Variants in IKZF3 observed in about 807,000 individuals in gnomAD.
IKZF3 encodes IKAROS family zinc finger 3.
Under a neutral mutation model 49.0 loss-of-function variants are expected in IKZF3, and 10 were observed. The ratio of observed to expected loss-of-function variants is 0.20; its 90% CI spans 0.13 to 0.35. The LOEUF (loss-of-function observed/expected upper bound fraction) is 0.35. Ranked by LOEUF, IKZF3 falls within the 10% of genes least tolerant of loss-of-function variation. The pLI is 1.00. For synonymous variants in IKZF3, 209 were observed against 228.2 expected (o/e 0.92, Z 0.76); for missense variants, 498 against 664.8 (o/e 0.75, Z 2.76).
intron 1 of IKZF3, among the ~76,000 whole-genome samples, chr17:39,850,369 A>ATATGTACATATAATATATAGCATATTG (rs1568063092): frequency 6.3e-5 from 8 of 127,908 alleles, no homozygotes; most frequent in African/African-American, 1.0e-4. Context: ...AGCATATTAT[A>ATATGTACATATAATATATAGCATATTG]TATGTATATA....
At position 39,779,410 on chromosome 17, in the gene IKZF3, G is replaced by A. The variant is rs753492513; in HGVS notation, c.710-1643C>T. On this transcript the variant is annotated intron_variant, in intron 6 of 7. Transcript: ENST00000346872. ...CAGGAGGCAGAGGTTGTGGTGAGCC[G>A]AGATTGAGCCATTGCACTCCAGCCT... Among the ~76,000 whole-genome samples, 64 of 152,168 alleles carry A rather than the reference G, an allele frequency of 4.2e-4. 2 individuals are homozygous for A. Among genetic ancestry groups the A allele is most frequent in the South Asian group, 1.2e-3 (6 of 4,806 alleles).
rs906100293 is a variant in IKZF3 at position 39,793,058 on chromosome 17, T to C, written c.164-125A>G. On this transcript the variant is annotated intron_variant, in intron 3 of 7. Transcript: ENST00000346872. ...CGAAGCTAACAAAACACTGTACATC[T>C]ACAAAACAAGAAAGCACCATTAGCG... 1.0e-5 allele frequency: 10 copies of C among 956,876 alleles called. No homozygotes were observed. The African/African-American group carries it at 1.6e-4, about 16-fold the overall frequency. 59.3% of individuals were successfully genotyped at this position (956,876 alleles called of 1,614,324 possible). A position where few individuals can be genotyped will look rare whatever the true frequency, so the allele number is the denominator to read the frequency against.
At chr17:39,824,172 A>G (rs193071151) in intron 3 of IKZF3, among the ~76,000 whole-genome samples, 15 of 152,346 alleles carry the variant, frequency 9.8e-5, no homozygotes, top group Non-Finnish European at 1.5e-4. Context: ...GATGTGAGAC[A>G]TGGAGTCAAA....
chr17:39,858,049 A>C (rs2063115658), intron 1 of IKZF3, among the ~76,000 whole-genome samples: 1 of 152,216 alleles, frequency 6.6e-6, no homozygotes, highest in Admixed American at 6.5e-5. Flanking sequence ...TAATCAACAA[A>C]ATAAACAAGA....
chr17:39,769,420 A>G (rs2060379636), intron 7 of IKZF3, among the ~76,000 whole-genome samples: 1 of 152,194 alleles, frequency 6.6e-6, no homozygotes, highest in Non-Finnish European at 1.5e-5. Context: ...GAAATACCTG[A>G]GAGAGAAAAA....
At chr17:39,804,739 G>C (rs2061396881) in intron 3 of IKZF3, among the ~76,000 whole-genome samples, 1 of 152,124 alleles carries the variant, frequency 6.6e-6, no homozygotes, top group African/African-American at 2.4e-5. Flanking sequence ...CCACTGGCCA[G>C]TCCCTGCTTT....
chr17:39,812,903 C>T (rs2061594328), intron 3 of IKZF3, among the ~76,000 whole-genome samples: 1 of 152,020 alleles, frequency 6.6e-6, no homozygotes, highest in Non-Finnish European at 1.5e-5. Context: ...TCAAGACCAT[C>T]TTGGCTAACA....
rs751880514 is a variant in IKZF3, at chr17:39,766,463, T to C, written c.857A>G (p.Tyr286Cys). ...GEKRHCFDVN[Y>C]NSSYMYEKES... ...TTTCTCATACATGTAACTTGAATTA[T>C]AGTTGACATCAAAGCAGTGGCGCTT... Residue 286 changes from tyrosine (Y) to cysteine (C), a missense_variant, in exon 8 of 8, where the codon TAT becomes TGT. Around this residue, in one of 3 missense-constraint regions of IKZF3, gnomAD observed 317 missense variants for 397.3 expected, o/e 0.80. Transcript: ENST00000346872. 6 of 1,613,032 alleles carry C rather than the reference T, an allele frequency of 3.7e-6. No individual in the cohort carries two copies. Among genetic ancestry groups the C allele is most frequent in the South Asian group, 2.2e-5 (2 of 91,076 alleles).
intron 3 of IKZF3, among the ~76,000 whole-genome samples, chr17:39,825,109 T>C (rs888886194): frequency 2.0e-5 from 3 of 152,204 alleles, no homozygotes; most frequent in Non-Finnish European, 2.9e-5. Context: ...GGCTTCCCCA[T>C]CCATTTGGAA....
intron 2 of IKZF3, 117 bp from the exon 3 acceptor site, chr17:39,829,605 G>GTA (rs2062053943): frequency 1.4e-6 from 1 of 689,872 alleles, no homozygotes; most frequent in South Asian, 1.8e-5. Context: ...GTGACAGATA[G>GTA]TACCCCTTCA....
intron 3 of IKZF3, among the ~76,000 whole-genome samples, chr17:39,820,884 A>G (rs373079619): frequency 2.0e-5 from 3 of 152,044 alleles, no homozygotes; most frequent in East Asian, 1.9e-4. Flanking sequence ...GAGTCCTATA[A>G]ACGTTCTTGA....
chr17:39,800,818 A>G (rs918072057), intron 3 of IKZF3, among the ~76,000 whole-genome samples: 4 of 152,200 alleles, frequency 2.6e-5, no homozygotes, highest in African/African-American at 9.6e-5. Flanking sequence ...TGCAAAAACA[A>G]TGGGTCCTGG....
At chr17:39,776,466 G>A (rs2143701347) in intron 7 of IKZF3, among the ~76,000 whole-genome samples, 1 of 152,300 alleles carries the variant, frequency 6.6e-6, no homozygotes, top group South Asian at 2.1e-4. Flanking sequence ...CTCACCAAGG[G>A]GAGGGAGGAC....
chr17:39,761,414 G>A lies in IKZF3; in HGVS notation c.*4376C>T, dbSNP rs2060180218. 6.6e-6 allele frequency: 1 copy of A among 151,278 alleles called. No homozygotes were observed. Among genetic ancestry groups the A allele is most frequent in the African/African-American group, 2.4e-5 (1 of 41,120 alleles). The allele number at this position is 151,278 out of a possible 1,614,324, so 9.4% of individuals were successfully genotyped here. ...AAGTACCGATGCAACACTTCAGGTA[G>A]TGACAGAAAACATTTGGAGAGCTGG... On this transcript the variant is annotated 3_prime_UTR_variant, in exon 8 of 8. Transcript: ENST00000346872.
intron 3 of IKZF3, among the ~76,000 whole-genome samples, chr17:39,820,486 T>G (rs76729348): frequency 0.018 from 2,725 of 152,322 alleles, 75 homozygotes; most frequent in African/African-American, 0.062. Context: ...TTCTTTCTAT[T>G]TCAATGAACT....
At chr17:39,843,439 A>G (rs112801878) in intron 1 of IKZF3, among the ~76,000 whole-genome samples, 4 of 129,234 alleles carry the variant, frequency 3.1e-5, no homozygotes, top group Non-Finnish European at 6.6e-5. Flanking sequence ...TAACGGAGGG[A>G]AAAAAAAAAA....
At chr17:39,775,924 C>CAAAAAAAA (rs369139259) in intron 7 of IKZF3, among the ~76,000 whole-genome samples, 1 of 84,148 alleles carries the variant, frequency 1.2e-5, no homozygotes, top group Non-Finnish European at 2.5e-5. Context: ...AACTCTGTCT[C>CAAAAAAAA]AAAAAAAAAA....
In IKZF3 at chr17:39,764,729, A is replaced by G. The variant is rs1457372810; in HGVS notation, c.*1061T>C. On this transcript the variant is annotated 3_prime_UTR_variant, in exon 8 of 8. Transcript: ENST00000346872. The stretch of plus-strand genomic sequence containing the variant: ...CTGCCTGATCAAGGAGAACCTCTCA[A>G]TAGAGGTGTCCCTCCTCACCCCATT... The G allele has an allele frequency of 2.6e-5, 4 of 152,216 alleles. No individual in the cohort carries two copies. The highest frequency in any genetic ancestry group is 5.9e-5 in the Non-Finnish European group (4 of 68,044). The allele number at this position is 152,216 out of a possible 1,614,324, so 9.4% of individuals were successfully genotyped here.
intron 7 of IKZF3, among the ~76,000 whole-genome samples, chr17:39,773,055 A>C (rs1212327028): frequency 6.6e-6 from 1 of 152,134 alleles, no homozygotes; most frequent in Non-Finnish European, 1.5e-5. Context: ...ACCTCAAGTG[A>C]TCCACCTGCT....
Sources: gnomAD v4.1 joint callset for allele counts (sites outside exome capture counted in the v4.1 genomes callset) on GRCh38, gnomAD v4.1.1 for gene constraint, gnomAD v4.1.1 regional missense constraint, MANE v1.5 for transcripts, NCBI Gene and HGNC (gene_info 2026-07-23, HGNC 2026-07-21) for gene names.